Variants in ANK1 observed in about 807,000 individuals in gnomAD.
ANK1 encodes ankyrin-1.
A neutral mutation model predicts 210.4 loss-of-function variants in ANK1; 51 were observed. That is an observed-to-expected ratio of 0.24 (90% CI 0.19 to 0.31). ANK1 has a LOEUF of 0.31. Among genes scored for constraint, ANK1 ranks in the 10% least tolerant of loss-of-function variants. ANK1 has a pLI of 1.00. For synonymous variants in ANK1, 967 were observed against 1,025.9 expected (o/e 0.94, Z 1.10); for missense variants, 2,051 against 2,504.4 (o/e 0.82, Z 3.86).
intron 1 of ANK1, among the ~76,000 whole-genome samples, chr8:41,887,947 G>C (rs187061017): frequency 6.6e-6 from 1 of 152,346 alleles, no homozygotes; most frequent in African/African-American, 2.4e-5. Context: ...GCTGGCTTCT[G>C]GGTGGGACCA....
rs945262866 is a variant in ANK1 at position 41,845,822 on chromosome 8, C to G, written c.126+50533G>C. Among the ~76,000 whole-genome samples the G allele has an allele frequency of 2.0e-5, 3 of 152,058 alleles. No individual in the cohort carries two copies. The East Asian group carries it at 5.8e-4, about 29-fold the overall frequency. On this transcript the variant is annotated intron_variant, in intron 1 of 42. Coordinates refer to the ANK1 transcript ENST00000265709. Reference sequence around the variant, plus strand: ...CCTCCTGCTACTTCCATAAACATACCAAAACCGTTTTCAGCTTCCCATGCG... The same window carrying G: ...CCTCCTGCTACTTCCATAAACATACGAAAACCGTTTTCAGCTTCCCATGCG...
At chr8:41,781,903 G>T (rs968250039) in intron 1 of ANK1, among the ~76,000 whole-genome samples, 4 of 152,178 alleles carry the variant, frequency 2.6e-5, no homozygotes, top group African/African-American at 9.7e-5. Flanking sequence ...AGGGCTGGGG[G>T]TCCCTGCTGC....
At chr8:41,882,296 C>T (rs558233486) in intron 1 of ANK1, among the ~76,000 whole-genome samples, 2 of 152,124 alleles carry the variant, frequency 1.3e-5, no homozygotes, top group African/African-American at 2.4e-5. Context: ...CCCTGGGGCT[C>T]CTGGAAGCCT....
At chr8:41,823,211 G>T (rs905259803) in intron 1 of ANK1, among the ~76,000 whole-genome samples, 6 of 152,060 alleles carry the variant, frequency 3.9e-5, no homozygotes, top group African/African-American at 7.2e-5. Flanking sequence ...TCCTTCTAGC[G>T]GGTAGCTGAA....
intron 1 of ANK1, among the ~76,000 whole-genome samples, chr8:41,811,250 G>A (rs1433409256): frequency 6.6e-6 from 1 of 152,166 alleles, no homozygotes; most frequent in Non-Finnish European, 1.5e-5. Flanking sequence ...GGGAGCGGGG[G>A]TTTCAGTTTT....
At chr8:41,784,309 T>C (rs1361449889) in intron 1 of ANK1, among the ~76,000 whole-genome samples, 1 of 152,156 alleles carries the variant, frequency 6.6e-6, no homozygotes, top group Admixed American at 6.5e-5. Flanking sequence ...ACTAACACCA[T>C]CAAAACAAAG....
At chr8:41,845,093 G>A (rs1286448267) in intron 1 of ANK1, among the ~76,000 whole-genome samples, 1 of 152,182 alleles carries the variant, frequency 6.6e-6, no homozygotes, top group Non-Finnish European at 1.5e-5. Context: ...ACACAAAGAC[G>A]TGAATTCCAG....
chr8:41,739,626 T>C lies in ANK1; in HGVS notation c.130-5557A>G, dbSNP rs574042197. 5.4e-5 allele frequency among the ~76,000 whole-genome samples: 8 copies of C among 149,362 alleles called. No homozygotes were observed. In the East Asian group the frequency reaches 1.4e-3, roughly 26 times the overall value. On this transcript the variant is annotated intron_variant, in intron 2 of 42. Transcript: ENST00000289734. ...GGTAAATAGTATTTACGGCTGGAAA[T>C]CAACATGCCTCTTCTTCTGTGAAGT... is the stretch of plus-strand genomic sequence containing the variant.
At chr8:41,779,111 C>T (rs1236471978) in intron 1 of ANK1, among the ~76,000 whole-genome samples, 3 of 152,146 alleles carry the variant, frequency 2.0e-5, no homozygotes, top group African/African-American at 7.2e-5. Flanking sequence ...GATAAGGCAG[C>T]AGCACCTGGA....
At chr8:41,685,075 C>T (rs1055576945) in intron 36 of ANK1, among the ~76,000 whole-genome samples, 1 of 152,138 alleles carries the variant, frequency 6.6e-6, no homozygotes, top group Non-Finnish European at 1.5e-5. Context: ...ATTACAGGTG[C>T]ATGCCACCAC....
intron 1 of ANK1, chr8:41,829,156 G>A (rs1249080611): frequency 1.3e-5 from 2 of 152,252 alleles, no homozygotes; most frequent in Non-Finnish European, 2.9e-5. Context: ...CATCAGCGGC[G>A]TTTGGGACAG....
At chr8:41,659,347 C>T (rs941986060) in intron 42 of ANK1, among the ~76,000 whole-genome samples, 16 of 152,204 alleles carry the variant, frequency 1.1e-4, no homozygotes, top group African/African-American at 3.1e-4. Context: ...CAGAGTGTGG[C>T]ATTGTTCATC....
intron 16 of ANK1, among the ~76,000 whole-genome samples, chr8:41,710,259 C>G (rs577764495): frequency 6.6e-6 from 1 of 152,250 alleles, no homozygotes. Context: ...TTCATTAAAA[C>G]CACATAAGGT....
intron 36 of ANK1, among the ~76,000 whole-genome samples, chr8:41,685,913 C>G (rs1311459457): frequency 6.6e-6 from 1 of 152,224 alleles, no homozygotes; most frequent in African/African-American, 2.4e-5. Flanking sequence ...CTGTGCCAGG[C>G]CTTGCAATTT....
chr8:41,811,443 G>T (rs1257752028), intron 1 of ANK1, among the ~76,000 whole-genome samples: 1 of 152,124 alleles, frequency 6.6e-6, no homozygotes, highest in Non-Finnish European at 1.5e-5. Flanking sequence ...CAGAAGACTC[G>T]GAAGTCCCTC....
intron 6 of ANK1, 68 bp from the exon 7 acceptor site, chr8:41,724,622 G>C: frequency 6.8e-7 from 1 of 1,464,308 alleles, no homozygotes; most frequent in Non-Finnish European, 9.3e-7. Flanking sequence ...TCAGCCCTGG[G>C]ATGCAGGAAA....
At chr8:41,893,434 C>G (rs1037823437) in intron 1 of ANK1, among the ~76,000 whole-genome samples, 1 of 152,152 alleles carries the variant, frequency 6.6e-6, no homozygotes, top group Admixed American at 6.5e-5. Context: ...TTCCCTGCGT[C>G]GAGGTGGCTT....
At chr8:41,838,080 G>A (rs140572738) in intron 1 of ANK1, among the ~76,000 whole-genome samples, 5 of 152,266 alleles carry the variant, frequency 3.3e-5, no homozygotes, top group Admixed American at 6.5e-5. Context: ...CAAAGACAGT[G>A]CTCACAGACA....
chr8:41,836,249 C>G (rs1807687727), intron 1 of ANK1, among the ~76,000 whole-genome samples: 1 of 152,252 alleles, frequency 6.6e-6, no homozygotes, highest in Non-Finnish European at 1.5e-5. Flanking sequence ...ATGCTGCCGA[C>G]TGCTCAGTAT....
Sources: allele counts gnomAD v4.1 joint callset (sites outside exome capture counted in the v4.1 genomes callset), GRCh38; gene constraint gnomAD v4.1.1; transcripts MANE v1.5; gene names NCBI Gene and HGNC (gene_info 2026-07-23, HGNC 2026-07-21).